Variants in SNTG1 observed in about 807,000 individuals in gnomAD.
SNTG1 encodes gamma-1-syntrophin.
A neutral mutation model predicts 74.7 loss-of-function variants in SNTG1; 39 were observed. That is an observed-to-expected ratio of 0.52 (90% confidence interval 0.40 to 0.68). The LOEUF (loss-of-function observed/expected upper bound fraction) is 0.68. SNTG1 is among the 30% of genes least tolerant of loss of function. The probability of loss-of-function intolerance (pLI) is 0.00; values close to 1 mark genes in which losing one functional copy is unlikely to be tolerated. For missense variants in SNTG1, 685 were observed against 609.5 expected (o/e 1.12, Z -1.30); for synonymous variants, 254 against 217.1 (o/e 1.17, Z -1.49).
intron 2 of SNTG1, among the ~76,000 whole-genome samples, chr8:50,298,645 T>C (rs2089501180): frequency 6.6e-6 from 1 of 152,164 alleles, no homozygotes; most frequent in African/African-American, 2.4e-5. Context: ...AAGATGAATA[T>C]TAAAAACCTA....
intron 1 of SNTG1, among the ~76,000 whole-genome samples, chr8:50,099,836 A>G (rs1020792907): frequency 1.3e-5 from 2 of 151,984 alleles, no homozygotes; most frequent in Admixed American, 6.6e-5. Context: ...AATTATTTGC[A>G]GTTTTTTTGC....
At chr8:50,415,952 T>G (rs1343855739) in intron 4 of SNTG1, among the ~76,000 whole-genome samples, 1 of 152,160 alleles carries the variant, frequency 6.6e-6, no homozygotes, top group South Asian at 2.1e-4. Context: ...GTGATTATGA[T>G]GAGAGAGTAA....
At chr8:50,219,126 T>C (rs10086248) in intron 2 of SNTG1, among the ~76,000 whole-genome samples, 3,352 of 152,294 alleles carry the variant, frequency 0.022, 138 homozygotes, top group African/African-American at 0.072. Context: ...TTTTGGCTTA[T>C]ATGGAAGGAG....
At chr8:50,617,972 T>C (rs1453341749) in intron 13 of SNTG1, among the ~76,000 whole-genome samples, 3 of 152,164 alleles carry the variant, frequency 2.0e-5, no homozygotes, top group Non-Finnish European at 2.9e-5. Flanking sequence ...CATAAGACAA[T>C]ATGAGGGGTG....
intron 2 of SNTG1, among the ~76,000 whole-genome samples, chr8:50,300,158 G>A (rs1259365293): frequency 3.9e-5 from 6 of 152,038 alleles, no homozygotes; most frequent in African/African-American, 1.4e-4. Flanking sequence ...GCTAACTTTT[G>A]TCAAATTTAT....
intron 15 of SNTG1, among the ~76,000 whole-genome samples, chr8:50,666,933 T>A (rs2095253618): frequency 6.6e-6 from 1 of 152,046 alleles, no homozygotes; most frequent in African/African-American, 2.4e-5. Flanking sequence ...CATATTTACT[T>A]AAATGTGATT....
intron 1 of SNTG1, among the ~76,000 whole-genome samples, chr8:49,959,665 G>T (rs1463805826): frequency 6.6e-6 from 1 of 152,150 alleles, no homozygotes; most frequent in East Asian, 1.9e-4. Flanking sequence ...CCATTATATG[G>T]AAATGCCACA....
At chr8:50,115,411 C>A (rs1441457530) in intron 1 of SNTG1, among the ~76,000 whole-genome samples, 1 of 151,378 alleles carries the variant, frequency 6.6e-6, no homozygotes, top group Non-Finnish European at 1.5e-5. Context: ...TACAAAAATA[C>A]AAAAATTAGC....
chr8:50,213,924 T>C (rs548198595), intron 2 of SNTG1, among the ~76,000 whole-genome samples: 6 of 151,938 alleles, frequency 3.9e-5, no homozygotes, highest in Non-Finnish European at 7.4e-5. Context: ...GCAGAAGCTC[T>C]TTAGTTTAAT....
chr8:49,931,483 C>T (rs12543434), intron 1 of SNTG1, among the ~76,000 whole-genome samples: 66,657 of 152,008 alleles, frequency 0.44, 17,687 homozygotes, highest in Non-Finnish European at 0.56. Context: ...TGATGGGATC[C>T]GTAACCCAAA....
chr8:50,003,389 A>C (rs1814925273), intron 1 of SNTG1, among the ~76,000 whole-genome samples: 1 of 152,204 alleles, frequency 6.6e-6, no homozygotes, highest in Non-Finnish European at 1.5e-5. Flanking sequence ...AAACAATTAC[A>C]GTGGTCTTAT....
intron 1 of SNTG1, among the ~76,000 whole-genome samples, chr8:49,966,884 A>C (rs555229906): frequency 5.3e-5 from 8 of 152,196 alleles, no homozygotes; most frequent in Non-Finnish European, 1.2e-4. Context: ...TTAAATAATA[A>C]ATAATTGTTC....
At chr8:50,754,472 A>G (rs946735971) in intron 18 of SNTG1, among the ~76,000 whole-genome samples, 1 of 151,824 alleles carries the variant, frequency 6.6e-6, no homozygotes, top group African/African-American at 2.4e-5. Flanking sequence ...CCTCTTTGTT[A>G]TATGCCATGT....
chr8:50,053,487 A>C (rs1162269030), intron 1 of SNTG1, among the ~76,000 whole-genome samples: 1 of 152,032 alleles, frequency 6.6e-6, no homozygotes, highest in Non-Finnish European at 1.5e-5. Context: ...TTTTAAAAGT[A>C]GACAGTAGTG....
At chr8:50,767,743 T>G (rs774396807) in intron 18 of SNTG1, among the ~76,000 whole-genome samples, 1 of 151,996 alleles carries the variant, frequency 6.6e-6, no homozygotes, top group Non-Finnish European at 1.5e-5. Context: ...AACTAAACAT[T>G]CTGAGTCACA....
chr8:50,268,819 G>C (rs931796403), intron 2 of SNTG1, among the ~76,000 whole-genome samples: 2 of 151,870 alleles, frequency 1.3e-5, no homozygotes, highest in African/African-American at 4.8e-5. Context: ...ACCACACCCA[G>C]CTAATTTTTT....
chr8:49,968,532 G>T (rs946185788), intron 1 of SNTG1, among the ~76,000 whole-genome samples: 5 of 152,100 alleles, frequency 3.3e-5, no homozygotes, highest in African/African-American at 1.2e-4. Context: ...AATACTGAAA[G>T]GATAAGGGCA....
chr8:50,283,586 T>C (rs1017860767), intron 2 of SNTG1, among the ~76,000 whole-genome samples: 1 of 152,202 alleles, frequency 6.6e-6, no homozygotes, highest in East Asian at 1.9e-4. Context: ...TCCTTTAGTA[T>C]TAGTTCTCCA....
chr8:50,008,779 G>A (rs1585872378), intron 1 of SNTG1, among the ~76,000 whole-genome samples: 1 of 152,142 alleles, frequency 6.6e-6, no homozygotes, highest in South Asian at 2.1e-4. Context: ...ATTAGAACAA[G>A]TAAATTAGAT....
Sources: gnomAD v4.1 joint callset for allele counts (sites outside exome capture counted in the v4.1 genomes callset) on GRCh38, gnomAD v4.1.1 for gene constraint, MANE v1.5 for transcripts, NCBI Gene and HGNC (gene_info 2026-07-23, HGNC 2026-07-21) for gene names.